The following XG variants were observed in gnomAD, a reference collection of about 807,000 sequenced individuals.
XG encodes Xg glycoprotein (Xg blood group), also known as glycoprotein Xg.
XG carries 24 observed loss-of-function variants against 25.7 expected under a neutral mutation model. The observed-to-expected ratio is 0.93, with a 90% CI of 0.68 to 1.31. The LOEUF (loss-of-function observed/expected upper bound fraction) is 1.31, where lower values mean the gene tolerates loss of function less well. Among genes scored for constraint, XG ranks in the 40% most tolerant of loss-of-function variants. The pLI, the probability that XG is intolerant of heterozygous loss-of-function variation, is 0.00. For missense variants in XG, 181 were observed against 187.6 expected (o/e 0.96, Z 0.21); for synonymous variants, 77 against 69.2 (o/e 1.11, Z -0.56).
At chrX:2,786,212 TGCTCACC>T (rs2086781452) in intron 4 of XG, among the ~76,000 whole-genome samples, 1 of 107,944 alleles carries the variant, frequency 9.3e-6, no homozygotes, top group Non-Finnish European at 1.9e-5. Flanking sequence ...ATGTCAGCGT[TGCTCACC>T]GATTCTTTTC....
chrX:2,767,853 C>G, intron 1 of XG, among the ~76,000 whole-genome samples: 1 of 152,204 alleles, frequency 6.6e-6, no homozygotes, highest in East Asian at 1.9e-4. Context: ...ATGTGACCAA[C>G]AACGGCCTCG....
At chrX:2,790,825 A>G (rs747204497) in intron 5 of XG, among the ~76,000 whole-genome samples, 9 of 111,747 alleles carry the variant, frequency 8.1e-5, no homozygotes, top group Non-Finnish European at 1.7e-4. Context: ...GGGTGGTTGG[A>G]TACAAGTATT....
chrX:2,762,060 A>G (rs2050577693), intron 1 of XG, among the ~76,000 whole-genome samples: 1 of 152,108 alleles, frequency 6.6e-6, no homozygotes, highest in African/African-American at 2.4e-5. Flanking sequence ...TGTGTCACCC[A>G]TGTCCTGAGG....
chrX:2,779,107 G>A (rs1276831577), intron 3 of XG, among the ~76,000 whole-genome samples: 5 of 151,786 alleles, frequency 3.3e-5, no homozygotes, highest in African/African-American at 1.2e-4. Context: ...TTACAAACCT[G>A]AATATAAAAG....
chrX:2,760,552 G>A (rs775078154), intron 1 of XG, among the ~76,000 whole-genome samples: 2 of 149,596 alleles, frequency 1.3e-5, no homozygotes, highest in South Asian at 2.1e-4. Context: ...TGGCTAACAC[G>A]GTGAAACCCC....
At chrX:2,795,772 C>T (rs1216018996) in intron 6 of XG, among the ~76,000 whole-genome samples, 2 of 110,704 alleles carry the variant, frequency 1.8e-5, no homozygotes, top group Non-Finnish European at 3.8e-5. Context: ...GATGTTCTGC[C>T]TCAGCCTCCT....
rs774831137 is a variant in XG at position 2,777,759 on chromosome X, G to A, written c.127+3020G>A. Among the ~76,000 whole-genome samples, 3 of 152,260 alleles carry A rather than the reference G, an allele frequency of 2.0e-5. No individual in the cohort carries two copies. The South Asian group carries it at 6.2e-4, about 32-fold the overall frequency. On this transcript the variant is annotated intron_variant, in intron 3 of 10. Transcript: ENST00000644266. ...ATCTGTAAAAAGACGGAGATGAGAT[G>A]ATGCAATTTAAAATGTTTCGGCTGG...
intron 1 of XG, among the ~76,000 whole-genome samples, chrX:2,758,701 G>C (rs1449783055): frequency 6.6e-6 from 1 of 152,206 alleles, no homozygotes; most frequent in African/African-American, 2.4e-5. Context: ...CTAGTGGGTG[G>C]AGCCCAGGGA....
rs545076853 is a variant in XG, at chrX:2,762,337, A to G, written c.62-8213A>G. 1.2e-3 allele frequency among the ~76,000 whole-genome samples: 190 copies of G among 152,268 alleles called. No homozygotes were observed. The Middle Eastern group carries it at 0.044, about 35-fold the overall frequency. On this transcript the variant is annotated intron_variant, in intron 1 of 10. Coordinates refer to ENST00000644266, the MANE Select transcript of XG (RefSeq NM_001141919.2). ...GAGCTTCAATCTGCAACTGCATAAT[A>G]TGGTCACTGGGAAGTCAAGAACGGG...
chrX:2,753,774 G>T (rs1397787919), intron 1 of XG, among the ~76,000 whole-genome samples: 1 of 152,006 alleles, frequency 6.6e-6, no homozygotes, highest in Non-Finnish European at 1.5e-5. Flanking sequence ...GTAGAGACTG[G>T]GTTTCACCAT....
intron 7 of XG, among the ~76,000 whole-genome samples, chrX:2,801,470 G>T (rs1015490591): frequency 4.5e-5 from 5 of 111,326 alleles, no homozygotes; most frequent in African/African-American, 1.3e-4. Context: ...GGTTCGATCA[G>T]GTATGACTTC....
intron 1 of XG, among the ~76,000 whole-genome samples, chrX:2,754,477 C>G (rs952429688): frequency 6.6e-6 from 1 of 152,078 alleles, no homozygotes; most frequent in African/African-American, 2.4e-5. Flanking sequence ...GTCCCTCAGC[C>G]CTATGACGGG....
At chrX:2,780,455 C>G (rs781478375) in intron 3 of XG, among the ~76,000 whole-genome samples, 1 of 138,350 alleles carries the variant, frequency 7.2e-6, no homozygotes. Context: ...TTAGGCCAGG[C>G]GAGGTGGCTC....
At chrX:2,806,338 T>C (rs1226540667) in intron 7 of XG, among the ~76,000 whole-genome samples, 11 of 111,783 alleles carry the variant, frequency 9.8e-5, no homozygotes, top group Non-Finnish European at 1.5e-4. Context: ...CTGGAGGAAC[T>C]CTTTTTTTTT....
intron 9 of XG, chrX:2,808,548 T>C (rs1347380915): frequency 2.7e-6 from 2 of 751,637 alleles, no homozygotes; most frequent in South Asian, 6.8e-5. Flanking sequence ...CAGCACTAAC[T>C]TGAAACCCAA....
Position 2,788,820 on chromosome X carries a change from A to G in XG, c.191-824A>G, listed in dbSNP as rs370893603. On this transcript the variant is annotated intron_variant, in intron 4 of 10. Transcript: ENST00000644266. ...CCGTGAGCTGAGATCACACCACTGC[A>G]CTCCAGCCTGGGCGACAAAAGCGAA... is the stretch of plus-strand genomic sequence containing the variant. Among the ~76,000 whole-genome samples the G allele has an allele frequency of 1.6e-4, 17 of 105,732 alleles. 1 individual carries two copies. The South Asian group carries it at 2.6e-3, about 16-fold the overall frequency. 91.8% of individuals were successfully genotyped at this position (105,732 alleles called of 115,157 possible).
intron 1 of XG, among the ~76,000 whole-genome samples, chrX:2,762,223 C>T (rs760863453): frequency 8.5e-5 from 13 of 152,260 alleles, no homozygotes; most frequent in African/African-American, 2.9e-4. Flanking sequence ...TCTTCGACGA[C>T]AAAATACTTC....
At chrX:2,768,468 A>G (rs2050746708) in intron 1 of XG, among the ~76,000 whole-genome samples, 1 of 152,078 alleles carries the variant, frequency 6.6e-6, no homozygotes, top group South Asian at 2.1e-4. Flanking sequence ...GACCATGATG[A>G]TCAAGAGCGC....
chrX:2,780,188 AAG>A (rs2051087823), intron 3 of XG, among the ~76,000 whole-genome samples: 1 of 151,670 alleles, frequency 6.6e-6, no homozygotes, highest in Non-Finnish European at 1.5e-5. Context: ...TGGTGAAAAA[AAG>A]AAAAGAAAAG....
Sources: allele counts gnomAD v4.1 joint callset (sites outside exome capture counted in the v4.1 genomes callset), GRCh38; gene constraint gnomAD v4.1.1; transcripts MANE v1.5; gene names NCBI Gene and HGNC (gene_info 2026-07-23, HGNC 2026-07-21).